The following PHF2 variants were observed in gnomAD, a reference collection of about 807,000 sequenced individuals.
The protein encoded by PHF2 is lysine-specific demethylase PHF2.
Under a neutral mutation model 120.5 loss-of-function variants are expected in PHF2, and 27 were observed. The observed-to-expected ratio is 0.22, with a 90% CI of 0.17 to 0.31. The LOEUF (loss-of-function observed/expected upper bound fraction) is 0.31, where lower values mean the gene tolerates loss of function less well. Ranked by LOEUF, PHF2 falls within the 10% of genes least tolerant of loss-of-function variation. PHF2 has a pLI of 1.00. For missense variants in PHF2, 1,024 were observed against 1,434.8 expected, an observed-to-expected ratio of 0.71 and a Z score of 4.63; for synonymous variants, 568 against 592.5, an observed-to-expected ratio of 0.96 and a Z score of 0.60.
At chr9:93,655,607 G>A (rs986131718) in intron 7 of PHF2, among the ~76,000 whole-genome samples, 1 of 152,240 alleles carries the variant, frequency 6.6e-6, no homozygotes, top group Non-Finnish European at 1.5e-5. Flanking sequence ...GTCTGAGTGA[G>A]TCCCCTCAGC....
chr9:93,616,854 C>T (rs1292805355), intron 1 of PHF2, among the ~76,000 whole-genome samples: 1 of 152,100 alleles, frequency 6.6e-6, no homozygotes, highest in Non-Finnish European at 1.5e-5. Context: ...CGGGGTTTCT[C>T]CATGTTGGCC....
chr9:93,593,084 C>CA lies in PHF2; in HGVS notation c.98+16240dup, dbSNP rs200919035. ...TCTTTGCTTTTCTTGTCCTTTATGC[C>CA]AAAAAAAAAAAAAAAAAAAAAAAAA... On this transcript the variant is annotated intron_variant, in intron 1 of 21. Transcript: ENST00000359246. Among the ~76,000 whole-genome samples the CA allele has an allele frequency of 2.5e-3, 209 of 83,302 alleles. 1 individual carries two copies. The highest frequency in any genetic ancestry group is 3.7e-3 in the African/African-American group (65 of 17,768). 54.6% of individuals were successfully genotyped at this position (83,302 alleles called of 152,430 possible).
chr9:93,608,353 CGTT>C (rs1469057926), intron 1 of PHF2, among the ~76,000 whole-genome samples: 2 of 148,360 alleles, frequency 1.3e-5, no homozygotes, highest in East Asian at 3.9e-4. Context: ...TTTTGTACAT[CGTT>C]GGTTTTTGGG....
At chr9:93,609,599 C>T (rs1304571997) in intron 1 of PHF2, among the ~76,000 whole-genome samples, 1 of 151,270 alleles carries the variant, frequency 6.6e-6, no homozygotes, top group African/African-American at 2.4e-5. Context: ...ACTCCCCACT[C>T]TTCTTGCTTG....
At chr9:93,635,406 C>T (rs1419063820) in intron 2 of PHF2, among the ~76,000 whole-genome samples, 4 of 152,094 alleles carry the variant, frequency 2.6e-5, no homozygotes, top group Non-Finnish European at 5.9e-5. Flanking sequence ...GGGCACAATA[C>T]GGGCCCTGCC....
rs75746788 is a variant in PHF2 at position 93,662,776 on chromosome 9, G to A, written c.1699-131G>A. ...CATCGATGGGTGGGTGAATGGATGC[G>A]TGGATGGGTAGATGGATGGAGGCTT... On this transcript the variant is annotated intron_variant, in intron 12 of 21. Coordinates refer to ENST00000359246, the MANE Select transcript of PHF2 (RefSeq NM_005392.4). 1.8e-3 allele frequency: 1,767 copies of A among 994,340 alleles called. 20 individuals carry two copies. In the African/African-American group the frequency reaches 0.024, roughly 14 times the overall value. The allele number at this position is 994,340 out of a possible 1,614,324, so 61.6% of individuals were successfully genotyped here. A position where few individuals can be genotyped will look rare whatever the true frequency, so the allele number is the denominator to read the frequency against.
At chr9:93,612,529 T>A (rs1424565734) in intron 1 of PHF2, among the ~76,000 whole-genome samples, 2 of 152,252 alleles carry the variant, frequency 1.3e-5, no homozygotes, top group Non-Finnish European at 2.9e-5. Flanking sequence ...TGGCCTTTTA[T>A]ATAAACTGTT....
In PHF2 at chr9:93,663,599, A is replaced by C. The variant is rs1243464896; in HGVS notation, c.1901A>C (p.Lys634Thr). The change falls in exon 14 of 22, where the codon AAG becomes ACG. Residue 634 changes from lysine (K) to threonine (T), a missense_variant. Around this residue, in one of 2 missense-constraint regions of PHF2, gnomAD observed 677 missense variants for 857.4 expected, o/e 0.79. Coordinates refer to ENST00000359246, the MANE Select transcript of PHF2 (RefSeq NM_005392.4). ...CCTCTAGCTGGAAACAAAGACAATA[A>C]GTTCTCTTTTTCTTTCTCCAACAAG... ...KSPLAGNKDN[K>T]FSFSFSNKKL... 2 of 1,612,988 alleles carry C rather than the reference A, an allele frequency of 1.2e-6. No individual in the cohort carries two copies. The highest frequency in any genetic ancestry group is 1.7e-6 in the Non-Finnish European group (2 of 1,179,438).
At chr9:93,664,638 G>A (rs1826642534) in intron 14 of PHF2, among the ~76,000 whole-genome samples, 2 of 152,236 alleles carry the variant, frequency 1.3e-5, no homozygotes, top group Admixed American at 6.5e-5. Flanking sequence ...GGCAACACGC[G>A]AGGCCATTCA....
At chr9:93,596,845 G>A (rs1300830757) in intron 1 of PHF2, among the ~76,000 whole-genome samples, 1 of 151,056 alleles carries the variant, frequency 6.6e-6, no homozygotes, top group Non-Finnish European at 1.5e-5. Flanking sequence ...TGCAACCTCT[G>A]TCTCCTGGGT....
At chr9:93,665,940 C>T in intron 15 of PHF2, 50 bp from the exon 16 acceptor site, 1 of 1,611,848 alleles carries the variant, frequency 6.2e-7, no homozygotes, top group Non-Finnish European at 8.5e-7. Flanking sequence ...CCCAGGGTGG[C>T]TGGCTCCCCG....
At chr9:93,659,666 T>G in intron 11 of PHF2, 66 bp downstream of exon 11, 1 of 1,450,212 alleles carries the variant, frequency 6.9e-7, no homozygotes, top group Non-Finnish European at 9.6e-7. Context: ...TGTCTTTCTC[T>G]GGGTCCAGGG....
At position 93,648,932 on chromosome 9, in the gene PHF2, G is replaced by A. The variant is rs983883611; in HGVS notation, c.461-139G>A. On this transcript the variant is annotated intron_variant, in intron 4 of 21. Transcript: ENST00000359246. ...AGGTGAAGCTCGACGTTGGCACCTA[G>A]AGCCTCCGCATCCAGCCCCTGGCAG... The A allele has an allele frequency of 4.5e-6, 4 of 881,686 alleles. No homozygotes were observed. In the South Asian group the frequency reaches 6.6e-5, roughly 15 times the overall value. 54.6% of individuals were successfully genotyped at this position (881,686 alleles called of 1,614,324 possible). A position where few individuals can be genotyped will look rare whatever the true frequency, so the allele number is the denominator to read the frequency against.
At chr9:93,622,569 C>T (rs1408788266) in intron 1 of PHF2, among the ~76,000 whole-genome samples, 4 of 152,096 alleles carry the variant, frequency 2.6e-5, no homozygotes, top group East Asian at 1.9e-4. Flanking sequence ...TGGAAGGGGC[C>T]GGGAGCCAGG....
chr9:93,632,035 A>G (rs908344534), intron 2 of PHF2, among the ~76,000 whole-genome samples: 2 of 152,046 alleles, frequency 1.3e-5, no homozygotes, highest in Non-Finnish European at 2.9e-5. Context: ...GGTTTCACAT[A>G]TTGGTGAGCA....
intron 1 of PHF2, among the ~76,000 whole-genome samples, chr9:93,591,279 AT>A (rs1170748091): frequency 6.6e-6 from 1 of 152,178 alleles, no homozygotes; most frequent in Non-Finnish European, 1.5e-5. Flanking sequence ...AATGTGTATT[AT>A]TTTATTAGAT....
chr9:93,619,188 C>G (rs960979088), intron 1 of PHF2, among the ~76,000 whole-genome samples: 4 of 152,122 alleles, frequency 2.6e-5, no homozygotes, highest in East Asian at 1.9e-4. Context: ...CTACCCTTTC[C>G]CTCAGTGTGC....
intron 12 of PHF2, among the ~76,000 whole-genome samples, chr9:93,660,791 A>G (rs923959831): frequency 6.6e-6 from 1 of 152,190 alleles, no homozygotes; most frequent in Admixed American, 6.5e-5. Context: ...CCCAGAGTGG[A>G]CAGGCTTTGC....
rs117432403 is a variant in PHF2, at chr9:93,582,812, G to A, written c.98+5941G>A. Reference sequence around the variant, plus strand: ...TCTTGAAGGAAGCAATTTGGTGTGAGCCTCATCTTAATTGCCAGAATGTTT... The same window carrying A: ...TCTTGAAGGAAGCAATTTGGTGTGAACCTCATCTTAATTGCCAGAATGTTT... On this transcript the variant is annotated intron_variant, in intron 1 of 21. Transcript: ENST00000359246. Among the ~76,000 whole-genome samples the A allele has an allele frequency of 9.5e-3, 1,440 of 152,322 alleles. 18 individuals are homozygous for A. The highest frequency in any genetic ancestry group is 0.01 in the Non-Finnish European group (701 of 68,032).
Sources: allele counts gnomAD v4.1 joint callset (sites outside exome capture counted in the v4.1 genomes callset), GRCh38; gene constraint gnomAD v4.1.1; regional missense constraint gnomAD v4.1.1; transcripts MANE v1.5; gene names NCBI Gene and HGNC (gene_info 2026-07-23, HGNC 2026-07-21).